Variants in ZNF782 observed in about 807,000 individuals in gnomAD.
ZNF782 encodes zinc finger protein 782.
Under a neutral mutation model 13.0 loss-of-function variants are expected in ZNF782, and 12 were observed. That is an observed-to-expected ratio of 0.92 (90% confidence interval 0.59 to 1.50). The LOEUF is 1.50. Among genes scored for constraint, ZNF782 ranks in the 40% most tolerant of loss-of-function variants. The probability of loss-of-function intolerance (pLI) is 0.00; values close to 1 mark genes in which losing one functional copy is unlikely to be tolerated. For synonymous variants in ZNF782, 284 were observed against 283.0 expected (o/e 1.00, Z -0.04); for missense variants, 770 against 822.9 (o/e 0.94, Z 0.79).
chr9:96,843,985 G>C (rs1422422850), intron 4 of ZNF782, among the ~76,000 whole-genome samples: 2 of 152,110 alleles, frequency 1.3e-5, no homozygotes, highest in African/African-American at 4.8e-5. Context: ...ACTTAAAGAA[G>C]ATTTATGAAT....
At chr9:96,821,978 T>A (rs1215239550) in intron 5 of ZNF782, among the ~76,000 whole-genome samples, 1 of 152,254 alleles carries the variant, frequency 6.6e-6, no homozygotes, top group Non-Finnish European at 1.5e-5. Flanking sequence ...GTTCACTTTT[T>A]AATCAACAGC....
intron 4 of ZNF782, among the ~76,000 whole-genome samples, chr9:96,840,074 G>A (rs575515532): frequency 1.3e-5 from 2 of 152,146 alleles, no homozygotes; most frequent in South Asian, 2.1e-4. Context: ...TTCTTTTAGT[G>A]CCAAAAAATT....
At position 96,850,704 on chromosome 9, in the gene ZNF782, C is replaced by T. The variant is rs1851461364; in HGVS notation, c.15+1243G>A. On this transcript the variant is annotated intron_variant, in intron 3 of 5. Transcript: ENST00000481138. This position sits in a 1 kb window ranked among gnomAD's most constrained non-coding sequence, Gnocchi z 4.3. ...GTTTTAAAGTATAAAGAAAAGACAG[C>T]ATTTATTATGATTATTTTAGTCTTG... 6.6e-6 allele frequency among the ~76,000 whole-genome samples: 1 copy of T among 152,110 alleles called. No homozygotes were observed. The highest frequency in any genetic ancestry group is 2.4e-5 in the African/African-American group (1 of 41,402).
the ZNF782 span, among the ~76,000 whole-genome samples, chr9:96,922,554 C>A: frequency 6.6e-6 from 1 of 152,300 alleles, no homozygotes; most frequent in African/African-American, 2.4e-5. Flanking sequence ...AGGCGGATCA[C>A]GAGGTCAGGA....
the ZNF782 span, among the ~76,000 whole-genome samples, chr9:96,911,356 A>G: frequency 0.078 from 9,567 of 123,230 alleles, 763 homozygotes; most frequent in East Asian, 0.24. Flanking sequence ...GGAGAATGGC[A>G]TGAACCCGGG....
At chr9:96,900,899 C>T in the ZNF782 span, among the ~76,000 whole-genome samples, 1 of 137,584 alleles carries the variant, frequency 7.3e-6, no homozygotes, top group African/African-American at 3.6e-5. Context: ...GTAATCTCAG[C>T]ACTTTGGGAG....
the ZNF782 span, among the ~76,000 whole-genome samples, chr9:96,901,635 A>G: frequency 1.3e-5 from 2 of 151,912 alleles, no homozygotes; most frequent in Non-Finnish European, 2.9e-5. Context: ...TGGAAATCAT[A>G]AACAAAGTGA....
the ZNF782 span, chr9:96,910,299 A>T: frequency 1.8e-6 from 1 of 562,176 alleles, no homozygotes; most frequent in African/African-American, 2.0e-5. Context: ...GAGGAAGAGG[A>T]TGGAGATGAA....
the ZNF782 span, among the ~76,000 whole-genome samples, chr9:96,913,965 C>A: frequency 6.8e-6 from 1 of 146,478 alleles, no homozygotes; most frequent in Non-Finnish European, 1.5e-5. Flanking sequence ...CACAGCGAGA[C>A]CTTGTCTCAA....
chr9:96,865,768 T>A (rs978017671), intron 1 of ZNF782, among the ~76,000 whole-genome samples: 8 of 152,200 alleles, frequency 5.3e-5, no homozygotes, highest in Admixed American at 4.6e-4. Flanking sequence ...AAAATGTTGA[T>A]AATGATATGG....
chr9:96,881,620 T>C, the ZNF782 span, among the ~76,000 whole-genome samples: 4 of 152,114 alleles, frequency 2.6e-5, no homozygotes, highest in Non-Finnish European at 4.4e-5. Context: ...CTTGAACTTT[T>C]TTTCCTCTAC....
chr9:96,926,454 C>T, the ZNF782 span, among the ~76,000 whole-genome samples: 3 of 152,220 alleles, frequency 2.0e-5, no homozygotes, highest in Admixed American at 1.3e-4. Context: ...CAGCTAAGAT[C>T]GAGGTAGAGT....
At chr9:96,866,384 A>T (rs902373861) in intron 1 of ZNF782, among the ~76,000 whole-genome samples, 2 of 152,156 alleles carry the variant, frequency 1.3e-5, no homozygotes, top group Non-Finnish European at 2.9e-5. Flanking sequence ...CAAGCCTTGG[A>T]AGCTTTTATG....
At position 96,817,709 on chromosome 9, in the gene ZNF782, T is replaced by C. The variant is rs533991884; in HGVS notation, c.*214A>G. On this transcript the variant is annotated 3_prime_UTR_variant, in exon 6 of 6. Coordinates refer to ENST00000481138, the MANE Select transcript of ZNF782 (RefSeq NM_001001662.3). ...GTTTCTTTGCTGTGTGAGTTCTGTATATCCATAGAAGACTGGGCTCTGGCT... is the reference window on the plus strand; with the variant it reads ...GTTTCTTTGCTGTGTGAGTTCTGTACATCCATAGAAGACTGGGCTCTGGCT... 26 of 448,456 alleles carry C rather than the reference T, an allele frequency of 5.8e-5. No homozygotes were observed. The highest frequency in any genetic ancestry group is 8.9e-5 in the Non-Finnish European group (23 of 257,708). 27.8% of individuals were successfully genotyped at this position (448,456 alleles called of 1,614,324 possible).
chr9:96,876,675 AC>A (rs1851895325), upstream of ZNF782, among the ~76,000 whole-genome samples: 1 of 152,174 alleles, frequency 6.6e-6, no homozygotes, highest in Non-Finnish European at 1.5e-5. Flanking sequence ...AACAAAAGAA[AC>A]AAAAACCAAA....
At chr9:96,921,600 C>T in the ZNF782 span, among the ~76,000 whole-genome samples, 1 of 137,792 alleles carries the variant, frequency 7.3e-6, no homozygotes, top group African/African-American at 2.7e-5. Context: ...GTGGCTCACA[C>T]CTCTAATCCC....
the ZNF782 span, among the ~76,000 whole-genome samples, chr9:96,912,243 C>A: frequency 6.9e-6 from 1 of 144,112 alleles, no homozygotes. Flanking sequence ...ACAGGCCAGG[C>A]GCAGTGGCTC....
At chr9:96,880,492 T>C (rs1402854494), upstream of ZNF782, among the ~76,000 whole-genome samples, 1 of 152,224 alleles carries the variant, frequency 6.6e-6, no homozygotes, top group African/African-American at 2.4e-5. Flanking sequence ...TTATTATAAA[T>C]GGATGTTTGA....
intron 1 of ZNF782, among the ~76,000 whole-genome samples, chr9:96,871,241 A>G (rs540133060): frequency 3.3e-5 from 5 of 152,178 alleles, no homozygotes; most frequent in Non-Finnish European, 7.3e-5. Context: ...TATGCAGGCT[A>G]TAAACCTTTA....
Sources: gnomAD v4.1 joint callset for allele counts (sites outside exome capture counted in the v4.1 genomes callset) on GRCh38, gnomAD v4.1.1 for gene constraint, Gnocchi (gnomAD v3.1) non-coding constraint, MANE v1.5 for transcripts, NCBI Gene and HGNC (gene_info 2026-07-23, HGNC 2026-07-21) for gene names.